Variants in VPS13B observed in about 807,000 individuals in gnomAD.
VPS13B encodes the protein vacuolar protein sorting 13 homolog B.
A neutral mutation model predicts 426.4 loss-of-function variants in VPS13B; 285 were observed. The observed-to-expected ratio is 0.67, with a 90% CI of 0.61 to 0.74. The LOEUF (loss-of-function observed/expected upper bound fraction) is 0.74, where lower values mean the gene tolerates loss of function less well. Ranked by LOEUF, VPS13B falls within the 30% of genes least tolerant of loss-of-function variation. The pLI is 0.00. For missense variants in VPS13B, 4,537 were observed against 4,782.6 expected (o/e 0.95, Z 1.51); for synonymous variants, 1,676 against 1,676.4 (o/e 1.00, Z 0.01).
chr8:99,515,226 C>A (rs901379858), intron 29 of VPS13B, among the ~76,000 whole-genome samples: 1 of 152,120 alleles, frequency 6.6e-6, no homozygotes, highest in Non-Finnish European at 1.5e-5. Context: ...TTGTTTTGGG[C>A]TTATTGTGTT....
intron 39 of VPS13B, among the ~76,000 whole-genome samples, chr8:99,764,520 T>C (rs1811109120): frequency 1.3e-5 from 2 of 151,246 alleles, no homozygotes; most frequent in African/African-American, 4.9e-5. Flanking sequence ...TTTAAGCAAT[T>C]CTCCTGTCTC....
At chr8:99,790,163 G>A (rs1050798169) in intron 43 of VPS13B, among the ~76,000 whole-genome samples, 2 of 152,072 alleles carry the variant, frequency 1.3e-5, no homozygotes, top group Non-Finnish European at 2.9e-5. Flanking sequence ...TTAGTTAACA[G>A]TTTTGCCCTG....
At chr8:99,100,996 A>G (rs988975350) in intron 4 of VPS13B, among the ~76,000 whole-genome samples, 1 of 151,814 alleles carries the variant, frequency 6.6e-6, no homozygotes, top group Admixed American at 6.6e-5. Context: ...GTGAGTTGAG[A>G]TCATGCCATT....
chr8:99,213,252 T>G (rs1347576000), intron 17 of VPS13B, among the ~76,000 whole-genome samples: 1 of 152,184 alleles, frequency 6.6e-6, no homozygotes, highest in Non-Finnish European at 1.5e-5. Context: ...ATACACATCT[T>G]AAGAAGTTTC....
chr8:99,256,095 C>G (rs1165867803), intron 17 of VPS13B, among the ~76,000 whole-genome samples: 1 of 152,048 alleles, frequency 6.6e-6, no homozygotes, highest in African/African-American at 2.4e-5. Context: ...TCTTTCTGGT[C>G]CTTTGGCTAA....
chr8:99,573,112 T>C (rs564236070), intron 31 of VPS13B, among the ~76,000 whole-genome samples: 2 of 152,358 alleles, frequency 1.3e-5, no homozygotes, highest in Non-Finnish European at 2.9e-5. Flanking sequence ...TTTTGAGAAG[T>C]GTCTGTTCAT....
chr8:99,720,270 A>G, intron 37 of VPS13B, 75 bp from the exon 38 acceptor site: 3 of 1,205,674 alleles, frequency 2.5e-6, no homozygotes, highest in Non-Finnish European at 3.6e-6. Context: ...CATTAATTCA[A>G]ATATGATTAT....
intron 33 of VPS13B, among the ~76,000 whole-genome samples, chr8:99,617,421 C>T (rs967512317): frequency 2.0e-5 from 3 of 152,052 alleles, no homozygotes; most frequent in Admixed American, 6.6e-5. Context: ...CTCTGTCTCC[C>T]GGGTTCAAGC....
chr8:99,282,629 C>G (rs1819226694), intron 19 of VPS13B, among the ~76,000 whole-genome samples: 1 of 152,046 alleles, frequency 6.6e-6, no homozygotes, highest in South Asian at 2.1e-4. Flanking sequence ...GTCACTTGTG[C>G]AATTCAGATG....
chr8:99,849,971 G>A (rs2130905501), intron 55 of VPS13B, among the ~76,000 whole-genome samples: 1 of 147,024 alleles, frequency 6.8e-6, no homozygotes, highest in Admixed American at 6.8e-5. Flanking sequence ...ACGCATGTAT[G>A]TACTTATACA....
intron 34 of VPS13B, among the ~76,000 whole-genome samples, chr8:99,647,333 G>T (rs1563842788): frequency 6.6e-6 from 1 of 152,092 alleles, no homozygotes; most frequent in Non-Finnish European, 1.5e-5. Context: ...AGGCCGAGGT[G>T]GGCAGATCAT....
intron 17 of VPS13B, among the ~76,000 whole-genome samples, chr8:99,271,086 T>C (rs1209970716): frequency 6.6e-6 from 1 of 152,114 alleles, no homozygotes; most frequent in Non-Finnish European, 1.5e-5. Flanking sequence ...TGAAATAAAC[T>C]AGGCATCATG....
At chr8:99,225,040 G>A (rs923352853) in intron 17 of VPS13B, among the ~76,000 whole-genome samples, 31 of 152,196 alleles carry the variant, frequency 2.0e-4, no homozygotes, top group Middle Eastern at 3.4e-3. Context: ...TTTGACATAC[G>A]TAGAACTCTC....
chr8:99,491,368 T>C (rs906743722), intron 25 of VPS13B, among the ~76,000 whole-genome samples: 1 of 152,192 alleles, frequency 6.6e-6, no homozygotes, highest in Admixed American at 6.5e-5. Context: ...GGAGTATCTT[T>C]GTGGTGTTCT....
At chr8:99,529,503 A>C (rs1204709914) in intron 30 of VPS13B, among the ~76,000 whole-genome samples, 1 of 152,228 alleles carries the variant, frequency 6.6e-6, no homozygotes, top group Non-Finnish European at 1.5e-5. Context: ...ATTAAAACTT[A>C]AAAACTCTTA....
intron 44 of VPS13B, among the ~76,000 whole-genome samples, chr8:99,813,641 A>G (rs561267414): frequency 4.6e-5 from 7 of 152,358 alleles, no homozygotes; most frequent in African/African-American, 1.7e-4. Context: ...AAAGATTATG[A>G]TGGCTAGAGT....
At chr8:99,501,911 C>T (rs1821258370) in intron 26 of VPS13B, 53 bp downstream of exon 26, 2 of 1,418,248 alleles carry the variant, frequency 1.4e-6, no homozygotes, top group Non-Finnish European at 9.6e-7. Flanking sequence ...TCCCTCCCTC[C>T]CTCCCTCCCT....
intron 3 of VPS13B, among the ~76,000 whole-genome samples, chr8:99,076,612 C>CTTTTTTTTTTTTTTTT: frequency 7.2e-6 from 1 of 139,738 alleles, no homozygotes; most frequent in South Asian, 2.2e-4. Flanking sequence ...ATGACTTTGT[C>CTTTTTTTTTTTTTTTT]TTTTTTTTTT....
At chr8:99,752,192 C>T (rs1008782160) in intron 39 of VPS13B, among the ~76,000 whole-genome samples, 2 of 151,692 alleles carry the variant, frequency 1.3e-5, no homozygotes, top group East Asian at 1.9e-4. Context: ...AAAAAAAGTA[C>T]ATTTTAAATT....
Sources: allele counts gnomAD v4.1 joint callset (sites outside exome capture counted in the v4.1 genomes callset), GRCh38; gene constraint gnomAD v4.1.1; transcripts MANE v1.5; gene names NCBI Gene and HGNC (gene_info 2026-07-23, HGNC 2026-07-21).